The following GRHL2 variants were observed in gnomAD, a reference collection of about 807,000 sequenced individuals.
GRHL2 encodes grainyhead like transcription factor 2.
GRHL2 carries 21 observed loss-of-function variants against 83.8 expected under a neutral mutation model. That is an observed-to-expected ratio of 0.25 (90% CI 0.18 to 0.36). The LOEUF (loss-of-function observed/expected upper bound fraction) is 0.36. Ranked by LOEUF, GRHL2 falls within the 10% of genes least tolerant of loss-of-function variation. The probability of loss-of-function intolerance (pLI) is 1.00; values close to 1 mark genes in which losing one functional copy is unlikely to be tolerated. For missense variants in GRHL2, 623 were observed against 781.8 expected, an observed-to-expected ratio of 0.80 and a Z score of 2.42; for synonymous variants, 280 against 278.9, an observed-to-expected ratio of 1.00 and a Z score of -0.04.
intron 1 of GRHL2, among the ~76,000 whole-genome samples, chr8:101,502,799 C>CTTT (rs1306726809): frequency 6.6e-6 from 1 of 151,448 alleles, no homozygotes; most frequent in Non-Finnish European, 1.5e-5. Context: ...TCCTCATCCT[C>CTTT]TTTCTTCTCC....
At chr8:101,674,599 A>G (rs935487369), downstream of GRHL2, among the ~76,000 whole-genome samples, 4 of 152,192 alleles carry the variant, frequency 2.6e-5, no homozygotes, top group Non-Finnish European at 4.4e-5. Flanking sequence ...CCAGGACCAG[A>G]TGGATTCATA....
intron 1 of GRHL2, chr8:101,529,203 G>A: frequency 3.8e-6 from 1 of 260,696 alleles, no homozygotes; most frequent in South Asian, 3.9e-5. Flanking sequence ...GGGAGGCCAA[G>A]GTGGGCGGAT....
intron 1 of GRHL2, among the ~76,000 whole-genome samples, chr8:101,520,042 C>G (rs1159060345): frequency 6.6e-6 from 1 of 152,162 alleles, no homozygotes; most frequent in Non-Finnish European, 1.5e-5. Context: ...TTAGATCAAA[C>G]TTATCATAAA....
intron 1 of GRHL2, among the ~76,000 whole-genome samples, chr8:101,507,863 C>T (rs971390056): frequency 6.8e-6 from 1 of 146,126 alleles, no homozygotes; most frequent in African/African-American, 2.5e-5. Context: ...CTGCAACCTC[C>T]GTCTCCCGGG....
intron 1 of GRHL2, among the ~76,000 whole-genome samples, chr8:101,496,102 C>A (rs1810097042): frequency 6.8e-6 from 1 of 147,706 alleles, no homozygotes; most frequent in Non-Finnish European, 1.5e-5. Flanking sequence ...GAGCTGAGAT[C>A]ACACCACTGC....
At chr8:101,541,870 T>C (rs1159970563) in intron 1 of GRHL2, among the ~76,000 whole-genome samples, 1 of 152,232 alleles carries the variant, frequency 6.6e-6, no homozygotes, top group African/African-American at 2.4e-5. Flanking sequence ...TTAGGATTGA[T>C]TGACTCCCAC....
intron 4 of GRHL2, among the ~76,000 whole-genome samples, chr8:101,559,650 C>G (rs1270525074): frequency 1.3e-5 from 2 of 152,202 alleles, no homozygotes; most frequent in Non-Finnish European, 2.9e-5. Flanking sequence ...TTCTACTTTA[C>G]AAATAGAGAA....
intron 9 of GRHL2, among the ~76,000 whole-genome samples, chr8:101,630,457 A>G (rs1813164561): frequency 6.6e-6 from 1 of 152,172 alleles, no homozygotes; most frequent in Non-Finnish European, 1.5e-5. Flanking sequence ...GTGATATTTT[A>G]TTGCAAGTAT....
intron 1 of GRHL2, among the ~76,000 whole-genome samples, chr8:101,497,969 G>C (rs946472554): frequency 6.6e-6 from 1 of 152,184 alleles, no homozygotes; most frequent in African/African-American, 2.4e-5. Flanking sequence ...TTTTGAAGGG[G>C]AATATGTTTC....
chr8:101,573,582 A>G, intron 5 of GRHL2, 86 bp from the exon 6 acceptor site: 1 of 1,504,048 alleles, frequency 6.6e-7, no homozygotes, highest in Non-Finnish European at 9.2e-7. Context: ...GTTAATGTTC[A>G]TGTGAAATGC....
rs1204318985 is a variant in GRHL2, at chr8:101,562,457, C to T, written c.678+3645C>T. The T allele has an allele frequency of 1.7e-5, 7 of 407,992 alleles. No homozygotes were observed. In the Admixed American group the frequency reaches 2.3e-4, roughly 14 times the overall value. The allele number at this position is 407,992 out of a possible 1,614,324, so 25.3% of individuals were successfully genotyped here. On this transcript the variant is annotated intron_variant, in intron 4 of 15. Coordinates refer to ENST00000646743, the MANE Select transcript of GRHL2 (RefSeq NM_024915.4). Reference sequence around the variant, plus strand: ...CATGCCGTGGCCAGGGTAGATGGGCCCTGAACAAATATAACACTTCTCAAT... The same window carrying T: ...CATGCCGTGGCCAGGGTAGATGGGCTCTGAACAAATATAACACTTCTCAAT...
At chr8:101,502,907 CCACT>C (rs1810260479) in intron 1 of GRHL2, among the ~76,000 whole-genome samples, 2 of 152,136 alleles carry the variant, frequency 1.3e-5, no homozygotes, top group South Asian at 4.2e-4. Context: ...TCACAGACAC[CCACT>C]GTCAAAAAAT....
chr8:101,584,059 T>G (rs1309125979), intron 7 of GRHL2, among the ~76,000 whole-genome samples: 1 of 152,210 alleles, frequency 6.6e-6, no homozygotes, highest in Non-Finnish European at 1.5e-5. Flanking sequence ...TCACATCCAG[T>G]GTAAGCATTA....
intron 8 of GRHL2, among the ~76,000 whole-genome samples, chr8:101,612,520 G>C (rs620604): frequency 0.083 from 10,221 of 123,494 alleles, 519 homozygotes; most frequent in Middle Eastern, 0.13. Flanking sequence ...TAGATAGATA[G>C]ATACATACAT....
chr8:101,576,397 A>C (rs1384854604), intron 6 of GRHL2, among the ~76,000 whole-genome samples: 1 of 151,902 alleles, frequency 6.6e-6, no homozygotes, highest in Non-Finnish European at 1.5e-5. Flanking sequence ...TTATTATTTT[A>C]TTTGCAGACA....
intron 8 of GRHL2, among the ~76,000 whole-genome samples, chr8:101,610,776 C>G (rs1812732415): frequency 6.6e-6 from 1 of 150,828 alleles, no homozygotes; most frequent in Non-Finnish European, 1.5e-5. Context: ...TCTGTCTTTG[C>G]TTTACTCTCG....
chr8:101,571,805 G>T (rs978410031), intron 5 of GRHL2, among the ~76,000 whole-genome samples: 1 of 152,114 alleles, frequency 6.6e-6, no homozygotes, highest in South Asian at 2.1e-4. Flanking sequence ...GGCAGGAAGC[G>T]GGAGGCAAGG....
At chr8:101,558,959 C>T (rs896288531) in intron 4 of GRHL2, 147 bp downstream of exon 4, 1 of 857,942 alleles carries the variant, frequency 1.2e-6, no homozygotes, top group Non-Finnish European at 1.8e-6. Flanking sequence ...TGTTGGTAGT[C>T]TGGCATTCTT....
intron 8 of GRHL2, among the ~76,000 whole-genome samples, chr8:101,611,091 T>A (rs1264592456): frequency 6.6e-6 from 1 of 150,834 alleles, no homozygotes; most frequent in African/African-American, 2.5e-5. Context: ...CTCCTAAAAA[T>A]CTTTAACAAA....
Sources: allele counts gnomAD v4.1 joint callset (sites outside exome capture counted in the v4.1 genomes callset), GRCh38; gene constraint gnomAD v4.1.1; transcripts MANE v1.5; gene names NCBI Gene and HGNC (gene_info 2026-07-23, HGNC 2026-07-21).